The following CNTNAP4 variants were observed in gnomAD, a reference collection of about 807,000 sequenced individuals.
CNTNAP4 encodes contactin associated protein family member 4, also known as contactin-associated protein-like 4.
In CNTNAP4, 98 loss-of-function variants were observed where a neutral mutation model predicts 148.4. That is an observed-to-expected ratio of 0.66 (90% CI 0.56 to 0.78). The LOEUF (loss-of-function observed/expected upper bound fraction) is 0.78, where lower values mean the gene tolerates loss of function less well. Ranked by LOEUF, CNTNAP4 falls within the 30% of genes least tolerant of loss-of-function variation. The pLI is 0.00. For missense variants in CNTNAP4, 1,935 were observed against 1,565.6 expected, an observed-to-expected ratio of 1.24 and a Z score of -3.98; for synonymous variants, 730 against 565.1, an observed-to-expected ratio of 1.29 and a Z score of -4.14.
chr16:76,449,038 A>C, intron 6 of CNTNAP4, 87 bp downstream of exon 6: 1 of 1,227,802 alleles, frequency 8.1e-7, no homozygotes, highest in Non-Finnish European at 1.2e-6. Context: ...TAAAGAGCCC[A>C]CCTTTTCAGT....
intron 12 of CNTNAP4, among the ~76,000 whole-genome samples, chr16:76,485,930 C>T (rs75633003): frequency 0.35 from 53,402 of 152,064 alleles, 10,684 homozygotes; most frequent in Middle Eastern, 0.48. Context: ...TTCCTACCTG[C>T]TCTTAGGGTC....
intron 1 of CNTNAP4, among the ~76,000 whole-genome samples, chr16:76,281,299 A>C (rs1958678399): frequency 6.6e-6 from 1 of 152,104 alleles, no homozygotes; most frequent in African/African-American, 2.4e-5. Flanking sequence ...GATAAAATAT[A>C]ATTCTATGAG....
At chr16:76,347,787 T>C (rs1262193468) in intron 2 of CNTNAP4, among the ~76,000 whole-genome samples, 2 of 151,098 alleles carry the variant, frequency 1.3e-5, no homozygotes, top group Admixed American at 6.6e-5. Flanking sequence ...CCATTGTAAA[T>C]GGAGGGCAGT....
intron 3 of CNTNAP4, among the ~76,000 whole-genome samples, chr16:76,425,495 C>A (rs2079355221): frequency 6.6e-6 from 1 of 152,014 alleles, no homozygotes; most frequent in South Asian, 2.1e-4. Context: ...AGTTTGTTTT[C>A]TAGGAGGATA....
At chr16:76,490,069 A>G (rs1453779797) in intron 13 of CNTNAP4, among the ~76,000 whole-genome samples, 186 bp downstream of exon 13, 5 of 152,158 alleles carry the variant, frequency 3.3e-5, no homozygotes, top group African/African-American at 4.8e-5. Flanking sequence ...GAAAAGAACA[A>G]GGTCAATTTA....
At chr16:76,335,725 G>A (rs1963963812) in intron 2 of CNTNAP4, among the ~76,000 whole-genome samples, 1 of 152,134 alleles carries the variant, frequency 6.6e-6, no homozygotes, top group South Asian at 2.1e-4. Context: ...GCTGCCATGT[G>A]GAGATTGCCA....
At chr16:76,441,204 T>A (rs974009716) in intron 4 of CNTNAP4, among the ~76,000 whole-genome samples, 17 of 152,024 alleles carry the variant, frequency 1.1e-4, no homozygotes, top group African/African-American at 3.9e-4. Flanking sequence ...GACTATAAGC[T>A]CTTTCAAAAA....
At chr16:76,285,049 C>G (rs1284144139) in intron 1 of CNTNAP4, among the ~76,000 whole-genome samples, 1 of 151,966 alleles carries the variant, frequency 6.6e-6, no homozygotes, top group East Asian at 1.9e-4. Context: ...AACTACAGAA[C>G]TGTGTAATGA....
chr16:76,518,039 A>G (rs2083313963), intron 15 of CNTNAP4, among the ~76,000 whole-genome samples: 1 of 152,152 alleles, frequency 6.6e-6, no homozygotes, highest in Admixed American at 6.5e-5. Context: ...TTCCTCTTTT[A>G]CGTGAATGAC....
intron 15 of CNTNAP4, among the ~76,000 whole-genome samples, chr16:76,514,460 A>G (rs1412880708): frequency 6.6e-6 from 1 of 152,244 alleles, no homozygotes; most frequent in African/African-American, 2.4e-5. Context: ...GAAAAGAAAT[A>G]TCTTCTTCAG....
intron 9 of CNTNAP4, among the ~76,000 whole-genome samples, chr16:76,466,522 C>T (rs765485943): frequency 9.2e-5 from 14 of 152,056 alleles, no homozygotes; most frequent in Non-Finnish European, 1.9e-4. Flanking sequence ...CCCACATATA[C>T]ACCTACCATG....
intron 8 of CNTNAP4, among the ~76,000 whole-genome samples, chr16:76,454,622 A>G (rs1278154569): frequency 6.6e-6 from 1 of 152,046 alleles, no homozygotes; most frequent in African/African-American, 2.4e-5. Flanking sequence ...ATTTTTTGCT[A>G]GTTCCCGTGA....
chr16:76,494,413 C>T (rs1296265645), intron 13 of CNTNAP4, among the ~76,000 whole-genome samples: 2 of 152,026 alleles, frequency 1.3e-5, no homozygotes, highest in Non-Finnish European at 2.9e-5. Flanking sequence ...CCAAATCATG[C>T]CTAACGTTTT....
chr16:76,310,352 A>G (rs1397075194), intron 1 of CNTNAP4, among the ~76,000 whole-genome samples: 2 of 152,120 alleles, frequency 1.3e-5, no homozygotes, highest in Non-Finnish European at 2.9e-5. Flanking sequence ...ATTTTTTGAT[A>G]TATGCAAACA....
At chr16:76,285,508 T>C (rs1958843968) in intron 1 of CNTNAP4, among the ~76,000 whole-genome samples, 1 of 152,064 alleles carries the variant, frequency 6.6e-6, no homozygotes, top group Admixed American at 6.6e-5. Flanking sequence ...TACCTCTCAT[T>C]ACTTGGCAGT....
rs1291385617 is a variant in CNTNAP4, at chr16:76,440,526, AC to A, written c.539-7485del. Among the ~76,000 whole-genome samples, 14 of 152,282 alleles carry A rather than the reference AC, an allele frequency of 9.2e-5. No individual in the cohort carries two copies. In the South Asian group the frequency reaches 2.1e-3, roughly 23 times the overall value. ...TAAATAAAACATTCATTTCCATGGT[AC>A]AATTCATTTCCAGGTACAATTCAAT... On this transcript the variant is annotated intron_variant, in intron 4 of 23. Coordinates refer to ENST00000611870, the MANE Select transcript of CNTNAP4 (RefSeq NM_033401.5).
chr16:76,288,568 G>C (rs1327289660), intron 1 of CNTNAP4, among the ~76,000 whole-genome samples: 1 of 152,118 alleles, frequency 6.6e-6, no homozygotes, highest in African/African-American at 2.4e-5. Flanking sequence ...TTCTCTAGCA[G>C]AAATTTCATA....
chr16:76,486,261 T>C (rs1280757116), intron 12 of CNTNAP4, among the ~76,000 whole-genome samples: 2 of 152,104 alleles, frequency 1.3e-5, no homozygotes, highest in African/African-American at 4.8e-5. Flanking sequence ...TAAAGTAAAA[T>C]CATGATTCTC....
rs9921833 is a variant in CNTNAP4, at chr16:76,365,966, G to A, written c.390+10455G>A. Among the ~76,000 whole-genome samples, 986 of 152,052 alleles carry A rather than the reference G, an allele frequency of 6.5e-3. 9 individuals carry two copies. The highest frequency in any genetic ancestry group is 0.022 in the African/African-American group (914 of 41,480). ...TTGGAAGTTGGGTTTATTATTTATTGATTTGCTTAATTTATCTTCATGGAA... is the reference window on the plus strand; with the variant it reads ...TTGGAAGTTGGGTTTATTATTTATTAATTTGCTTAATTTATCTTCATGGAA... On this transcript the variant is annotated intron_variant, in intron 3 of 23. Coordinates refer to ENST00000611870, the MANE Select transcript of CNTNAP4 (RefSeq NM_033401.5).
Sources: allele counts gnomAD v4.1 joint callset (sites outside exome capture counted in the v4.1 genomes callset), GRCh38; gene constraint gnomAD v4.1.1; transcripts MANE v1.5; gene names NCBI Gene and HGNC (gene_info 2026-07-23, HGNC 2026-07-21).